The following ST6GALNAC3 variants were observed in gnomAD, a reference collection of about 807,000 sequenced individuals.
The protein encoded by ST6GALNAC3 is alpha-N-acetylgalactosaminide alpha-2,6-sialyltransferase 3.
In ST6GALNAC3, 25 loss-of-function variants were observed where a neutral mutation model predicts 32.7. The ratio of observed to expected loss-of-function variants is 0.76; its 90% CI spans 0.56 to 1.07. The LOEUF (loss-of-function observed/expected upper bound fraction) is 1.07, where lower values mean the gene tolerates loss of function less well. Among genes scored for constraint, ST6GALNAC3 ranks in the 50% least tolerant of loss-of-function variants. The pLI is 0.00. For missense variants in ST6GALNAC3, 355 were observed against 382.4 expected (o/e 0.93, Z 0.60); for synonymous variants, 129 against 133.1 (o/e 0.97, Z 0.21).
At chr1:76,506,699 A>G (rs1055375848) in intron 3 of ST6GALNAC3, among the ~76,000 whole-genome samples, 5 of 152,192 alleles carry the variant, frequency 3.3e-5, no homozygotes, top group African/African-American at 1.2e-4. Context: ...TTCAGGTTCC[A>G]GGCAGGTGCC....
intron 3 of ST6GALNAC3, among the ~76,000 whole-genome samples, chr1:76,513,942 A>C (rs1240859774): frequency 6.6e-6 from 1 of 152,090 alleles, no homozygotes; most frequent in African/African-American, 2.4e-5. Flanking sequence ...TGTTTTCCTG[A>C]ATTCTTTTTC....
chr1:76,103,017 T>G (rs192199892), intron 1 of ST6GALNAC3, among the ~76,000 whole-genome samples: 49 of 152,234 alleles, frequency 3.2e-4, no homozygotes, highest in Non-Finnish European at 5.6e-4. Flanking sequence ...TAAAAGATAT[T>G]TTATTTACTT....
chr1:76,216,857 C>T (rs1035335430), intron 1 of ST6GALNAC3, among the ~76,000 whole-genome samples: 5 of 152,110 alleles, frequency 3.3e-5, no homozygotes, highest in Middle Eastern at 3.2e-3. Context: ...GTTACAGTGG[C>T]AGGAGGACAA....
intron 3 of ST6GALNAC3, among the ~76,000 whole-genome samples, chr1:76,564,775 C>T (rs376704312): frequency 2.0e-5 from 3 of 151,998 alleles, no homozygotes; most frequent in African/African-American, 7.2e-5. Flanking sequence ...TTAGTAGAGA[C>T]GGGGTTTCAC....
intron 2 of ST6GALNAC3, among the ~76,000 whole-genome samples, chr1:76,378,847 G>A (rs1651469623): frequency 6.6e-6 from 1 of 151,996 alleles, no homozygotes; most frequent in Non-Finnish European, 1.5e-5. Context: ...AACTTTTATG[G>A]TGTAGAGCTC....
chr1:76,204,438 A>G (rs1347900572), intron 1 of ST6GALNAC3, among the ~76,000 whole-genome samples: 1 of 152,202 alleles, frequency 6.6e-6, no homozygotes, highest in Non-Finnish European at 1.5e-5. Flanking sequence ...TGAGAACTAG[A>G]TAGATCATTT....
chr1:76,319,401 TGACA>T (rs148234625), intron 2 of ST6GALNAC3, among the ~76,000 whole-genome samples: 2,301 of 152,256 alleles, frequency 0.015, 61 homozygotes, highest in African/African-American at 0.053. Context: ...TCAGTTGCTG[TGACA>T]GACAGGCCAC....
chr1:76,515,714 A>T (rs1468619022), intron 3 of ST6GALNAC3, among the ~76,000 whole-genome samples: 1 of 152,038 alleles, frequency 6.6e-6, no homozygotes, highest in Non-Finnish European at 1.5e-5. Context: ...TATTTGTAAG[A>T]TTTCCAAAGT....
intron 3 of ST6GALNAC3, among the ~76,000 whole-genome samples, chr1:76,617,656 G>T (rs1274372466): frequency 6.6e-6 from 1 of 152,076 alleles, no homozygotes; most frequent in Admixed American, 6.6e-5. Flanking sequence ...AGGATTAGTT[G>T]GAAGTAAAGT....
Position 76,074,780 on chromosome 1 carries a change from C to T in ST6GALNAC3, c.-87C>T. Reference sequence around the variant, plus strand: ...GGAATGTGGGCTGGAGAGGTCCTGCCGTGGTACCAGCCTCCAGCCTGCCCC... The same window carrying T: ...GGAATGTGGGCTGGAGAGGTCCTGCTGTGGTACCAGCCTCCAGCCTGCCCC... On this transcript the variant is annotated 5_prime_UTR_variant, in exon 1 of 5. Coordinates refer to ENST00000328299, the MANE Select transcript of ST6GALNAC3 (RefSeq NM_152996.4). The T allele has an allele frequency of 2.7e-6, 4 of 1,456,858 alleles. No homozygotes were observed. Among genetic ancestry groups the T allele is most frequent in the African/African-American group, 1.4e-5 (1 of 71,382 alleles). The allele number at this position is 1,456,858 out of a possible 1,614,324, so 90.2% of individuals were successfully genotyped here. A position where few individuals can be genotyped will look rare whatever the true frequency, so the allele number is the denominator to read the frequency against.
intron 1 of ST6GALNAC3, among the ~76,000 whole-genome samples, chr1:76,168,358 A>G (rs1652261748): frequency 2.0e-5 from 3 of 152,266 alleles, no homozygotes; most frequent in East Asian, 3.9e-4. Flanking sequence ...GATTGTTATG[A>G]TTTCAGTTCT....
At chr1:76,097,927 AT>A (rs774827483) in intron 1 of ST6GALNAC3, among the ~76,000 whole-genome samples, 136 of 147,232 alleles carry the variant, frequency 9.2e-4, no homozygotes, top group African/African-American at 1.6e-3. Flanking sequence ...AGGTTTTGTT[AT>A]TTTTTTTTTT....
intron 1 of ST6GALNAC3, among the ~76,000 whole-genome samples, chr1:76,102,334 G>A (rs548065784): frequency 1.3e-4 from 20 of 151,894 alleles, no homozygotes; most frequent in Admixed American, 9.2e-4. Context: ...CTTGTATACA[G>A]CATATGGTTG....
At chr1:76,555,691 G>A (rs1664876052) in intron 3 of ST6GALNAC3, among the ~76,000 whole-genome samples, 1 of 152,102 alleles carries the variant, frequency 6.6e-6, no homozygotes, top group Admixed American at 6.6e-5. Context: ...AGGTGTAAAG[G>A]AGGGAGGCAG....
chr1:76,344,208 G>A (rs1274068680), intron 2 of ST6GALNAC3, among the ~76,000 whole-genome samples: 2 of 152,216 alleles, frequency 1.3e-5, no homozygotes, highest in African/African-American at 4.8e-5. Context: ...GCTGAATGAT[G>A]AGAGGGAGCC....
chr1:76,210,047 TTTTTTTTCTTTTC>T (rs893827702), intron 1 of ST6GALNAC3, among the ~76,000 whole-genome samples: 8 of 152,154 alleles, frequency 5.3e-5, no homozygotes, highest in African/African-American at 1.9e-4. Context: ...AGCTGCGTTT[TTTTTTTTCTTTTC>T]TTTTTTTCTT....
chr1:76,356,685 T>C (rs116511000), intron 2 of ST6GALNAC3, among the ~76,000 whole-genome samples: 13 of 152,178 alleles, frequency 8.5e-5, no homozygotes, highest in Non-Finnish European at 1.8e-4. Flanking sequence ...ACAAAGAGAA[T>C]ACATCAAAAA....
At chr1:76,335,428 G>A (rs1436086835) in intron 2 of ST6GALNAC3, among the ~76,000 whole-genome samples, 1 of 92,446 alleles carries the variant, frequency 1.1e-5, no homozygotes, top group Admixed American at 1.4e-4. Context: ...CTCATCACAG[G>A]GAACACACAC....
At chr1:76,526,371 G>A (rs1366029428) in intron 3 of ST6GALNAC3, among the ~76,000 whole-genome samples, 1 of 152,044 alleles carries the variant, frequency 6.6e-6, no homozygotes, top group Non-Finnish European at 1.5e-5. Context: ...GTTGTTTCAT[G>A]CCCAGAGAAT....
Sources: allele counts gnomAD v4.1 joint callset (sites outside exome capture counted in the v4.1 genomes callset), GRCh38; gene constraint gnomAD v4.1.1; transcripts MANE v1.5; gene names NCBI Gene and HGNC (gene_info 2026-07-23, HGNC 2026-07-21).